TMCC1: variants seen among roughly 807,000 people sequenced by gnomAD.
TMCC1 encodes the protein transmembrane and coiled-coil domain family 1, also known as transmembrane and coiled-coil domains protein 1.
In TMCC1, 15 loss-of-function variants were observed where a neutral mutation model predicts 52.4. The ratio of observed to expected loss-of-function variants is 0.29; its 90% CI spans 0.19 to 0.44. TMCC1 has a LOEUF of 0.44. Ranked by LOEUF, TMCC1 falls within the 20% of genes least tolerant of loss-of-function variation. TMCC1 has a pLI of 1.00. For missense variants in TMCC1, 503 were observed against 806.0 expected (o/e 0.62, Z 4.55); for synonymous variants, 279 against 301.9 (o/e 0.92, Z 0.79).
rs2058753731 is a variant in TMCC1 at position 129,828,458 on chromosome 3, G to C, written c.-80C>G. ...AGAGTGTCAAATTAGGTAGGCATTT[G>C]CTTCAACAGTGACTACGCATGCAGC... On this transcript the variant is annotated 5_prime_UTR_variant, in exon 4 of 7. Transcript: ENST00000393238. This position sits in a 1 kb window ranked among gnomAD's most constrained non-coding sequence, Gnocchi z 4.1. The C allele has an allele frequency of 7.4e-7, 1 of 1,357,112 alleles. No individual in the cohort carries two copies. The highest frequency in any genetic ancestry group is 1.0e-6 in the Non-Finnish European group (1 of 978,890). The allele number at this position is 1,357,112 out of a possible 1,614,324, so 84.1% of individuals were successfully genotyped here.
At chr3:129,839,955 T>C (rs1050534624) in intron 2 of TMCC1, among the ~76,000 whole-genome samples, 10 of 151,900 alleles carry the variant, frequency 6.6e-5, no homozygotes, top group African/African-American at 1.5e-4. Context: ...GGTTTTCATC[T>C]AATTATACTA....
At chr3:129,706,184 C>G (rs2048224918) in intron 4 of TMCC1, among the ~76,000 whole-genome samples, 1 of 151,842 alleles carries the variant, frequency 6.6e-6, no homozygotes, top group East Asian at 1.9e-4. Context: ...GCCACCGCGC[C>G]TGGCCAAAAC....
At chr3:129,658,427 T>C (rs1209595675) in intron 5 of TMCC1, among the ~76,000 whole-genome samples, 1 of 152,212 alleles carries the variant, frequency 6.6e-6, no homozygotes, top group Non-Finnish European at 1.5e-5. Flanking sequence ...ATATTTCCCA[T>C]TTATGATGGG....
At chr3:129,728,670 T>C (rs531534342) in intron 4 of TMCC1, among the ~76,000 whole-genome samples, 15 of 152,318 alleles carry the variant, frequency 9.8e-5, no homozygotes, top group Non-Finnish European at 1.8e-4. Flanking sequence ...AAAACATGCA[T>C]AGACTCATGA....
intron 2 of TMCC1, among the ~76,000 whole-genome samples, chr3:129,835,863 A>G (rs1336035596): frequency 6.6e-6 from 1 of 152,248 alleles, no homozygotes; most frequent in Non-Finnish European, 1.5e-5. Flanking sequence ...AGAGAACAAG[A>G]TTACAGAACA....
chr3:129,771,992 T>C (rs4688813), intron 4 of TMCC1, among the ~76,000 whole-genome samples: 22,114 of 152,092 alleles, frequency 0.15, 2,379 homozygotes, highest in East Asian at 0.57. Flanking sequence ...AATTACAAAA[T>C]AGAAGAACTC....
chr3:129,736,042 G>A (rs548239958), intron 4 of TMCC1, among the ~76,000 whole-genome samples: 1 of 152,320 alleles, frequency 6.6e-6, no homozygotes, highest in Admixed American at 6.5e-5. Context: ...AGAAAGGGGA[G>A]TTTTACTCAT....
At chr3:129,673,162 T>C (rs1340344811) in intron 4 of TMCC1, among the ~76,000 whole-genome samples, 5 of 152,128 alleles carry the variant, frequency 3.3e-5, no homozygotes, top group Non-Finnish European at 5.9e-5. Flanking sequence ...TTGTGTCACT[T>C]CCTCCTTCTG....
At chr3:129,839,219 A>G (rs770890736) in intron 2 of TMCC1, among the ~76,000 whole-genome samples, 14 of 152,238 alleles carry the variant, frequency 9.2e-5, no homozygotes, top group Non-Finnish European at 1.9e-4. Context: ...TGTATTGGAT[A>G]AGTACCCCAC....
intron 4 of TMCC1, among the ~76,000 whole-genome samples, chr3:129,743,416 C>T (rs372821006): frequency 1.0e-3 from 159 of 152,246 alleles, no homozygotes; most frequent in African/African-American, 3.4e-3. Flanking sequence ...TAAAAGACTA[C>T]TTTTGTAGAA....
intron 4 of TMCC1, among the ~76,000 whole-genome samples, chr3:129,764,763 A>T (rs199712069): frequency 2.2e-5 from 1 of 45,322 alleles, no homozygotes. Context: ...GTGTGTATAT[A>T]TATATATATA....
chr3:129,853,752 A>T (rs1172065063), intron 2 of TMCC1, among the ~76,000 whole-genome samples: 4 of 152,296 alleles, frequency 2.6e-5, no homozygotes, highest in African/African-American at 9.6e-5. Flanking sequence ...ATACCTGAAG[A>T]TTGATACATC....
intron 4 of TMCC1, chr3:129,688,549 C>A: frequency 1.0e-6 from 1 of 985,526 alleles, no homozygotes; most frequent in Non-Finnish European, 1.2e-6. Flanking sequence ...CTCGCATAGC[C>A]AATCCTCCGC....
intron 4 of TMCC1, among the ~76,000 whole-genome samples, chr3:129,741,999 G>A (rs888916127): frequency 6.6e-6 from 1 of 152,060 alleles, no homozygotes; most frequent in African/African-American, 2.4e-5. Context: ...CAATGCTGAA[G>A]AATCATTTCC....
In TMCC1 at chr3:129,670,462, T is replaced by C; in HGVS notation, c.1379A>G (p.Asp460Gly). ...NTLDMQSSGF[D>G]ALLHEIQEIR... ...CTCCTGGATCTCATGTAGTAGTGCATCAAATCCTGAGCTCTGCATGTCCAG... is the reference window on the plus strand; with the variant it reads ...CTCCTGGATCTCATGTAGTAGTGCACCAAATCCTGAGCTCTGCATGTCCAG... Residue 460 changes from aspartate (D) to glycine (G), a missense_variant, in exon 5 of 7, where the codon GAT (aspartate) becomes GGT (glycine). This residue lies in a region of TMCC1 where 121 missense variants were observed against 193.6 expected (regional missense o/e 0.62). Coordinates refer to ENST00000393238, the MANE Select transcript of TMCC1 (RefSeq NM_001017395.5). The C allele has an allele frequency of 2.5e-6, 4 of 1,614,176 alleles. No homozygotes were observed. Among genetic ancestry groups the C allele is most frequent in the Non-Finnish European group, 1.7e-6 (2 of 1,180,018 alleles).
intron 1 of TMCC1, among the ~76,000 whole-genome samples, chr3:129,891,983 T>C (rs1294609267): frequency 6.6e-6 from 1 of 152,238 alleles, no homozygotes; most frequent in East Asian, 1.9e-4. Flanking sequence ...ACAGGTCTTT[T>C]GTGCTCATAA....
intron 4 of TMCC1, among the ~76,000 whole-genome samples, chr3:129,798,517 T>C (rs1245607457): frequency 8.9e-6 from 1 of 112,598 alleles, no homozygotes; most frequent in East Asian, 3.1e-4. Context: ...AAAAGATTCT[T>C]CCTATCCAAA....
intron 4 of TMCC1, among the ~76,000 whole-genome samples, chr3:129,770,602 TAAATGAAATGAAATGAAATG>T (rs545957104): frequency 7.5e-6 from 1 of 132,712 alleles, no homozygotes; most frequent in Non-Finnish European, 1.6e-5. Context: ...TAAAATAAAA[TAAATGAAATGAAATGAAATG>T]AAATGAAATG....
chr3:129,828,514 G>T lies in TMCC1; in HGVS notation c.-130-6C>A. On this transcript the variant is annotated splice_polypyrimidine_tract_variant and splice_region_variant and intron_variant, in intron 3 of 6. Transcript: ENST00000393238. The surrounding 1 kb of genome is among the most constrained non-coding windows in gnomAD (Gnocchi z 4.1). ...GACGAAGGCTTCATGCCTATCTAAT[G>T]TTAAAAACAAAAAAACAAAAAAACA... 3 of 740,132 alleles carry T rather than the reference G, an allele frequency of 4.1e-6. No individual in the cohort carries two copies. Among genetic ancestry groups the T allele is most frequent in the South Asian group, 2.3e-5 (1 of 42,712 alleles). The allele number at this position is 740,132 out of a possible 1,614,324, so 45.8% of individuals were successfully genotyped here.
Sources: allele counts gnomAD v4.1 joint callset (sites outside exome capture counted in the v4.1 genomes callset), GRCh38; gene constraint gnomAD v4.1.1; regional missense constraint gnomAD v4.1.1; non-coding constraint Gnocchi (gnomAD v3.1); transcripts MANE v1.5; gene names NCBI Gene and HGNC (gene_info 2026-07-23, HGNC 2026-07-21).